Variants in NUBPL observed in about 807,000 individuals in gnomAD.
NUBPL encodes the protein NUBP iron-sulfur cluster assembly factor, mitochondrial.
Under a neutral mutation model 45.7 loss-of-function variants are expected in NUBPL, and 31 were observed. The ratio of observed to expected loss-of-function variants is 0.68; its 90% CI spans 0.51 to 0.92. The LOEUF (loss-of-function observed/expected upper bound fraction) is 0.92, where lower values mean the gene tolerates loss of function less well. Ranked by LOEUF, NUBPL falls within the 40% of genes least tolerant of loss-of-function variation. The pLI is 0.00. For missense variants in NUBPL, 401 were observed against 398.7 expected (o/e 1.01, Z -0.05); for synonymous variants, 144 against 140.9 (o/e 1.02, Z -0.15).
intron 7 of NUBPL, among the ~76,000 whole-genome samples, chr14:31,810,279 T>G (rs12886418): frequency 0.33 from 50,278 of 151,990 alleles, 9,614 homozygotes; most frequent in South Asian, 0.44. Context: ...TCTTGGGGCT[T>G]GCTTTATGAA....
chr14:31,597,726 G>A (rs112900637), intron 3 of NUBPL, among the ~76,000 whole-genome samples: 2 of 152,110 alleles, frequency 1.3e-5, no homozygotes, highest in African/African-American at 4.8e-5. Context: ...GTTTTTATTG[G>A]TATTTATTAT....
chr14:31,666,263 A>ATATATATATATATTTTTATT, intron 4 of NUBPL, among the ~76,000 whole-genome samples: 7 of 111,866 alleles, frequency 6.3e-5, no homozygotes, highest in Non-Finnish European at 1.9e-5. Flanking sequence ...ATATATATAT[A>ATATATATATATATTTTTATT]ATTTTATTTT....
intron 6 of NUBPL, among the ~76,000 whole-genome samples, chr14:31,694,639 C>T (rs1595504991): frequency 1.3e-5 from 2 of 152,180 alleles, no homozygotes; most frequent in South Asian, 4.1e-4. Context: ...CCTCAACCTC[C>T]TGAGTAGCTG....
chr14:31,799,167 C>T (rs1260241572), intron 7 of NUBPL, among the ~76,000 whole-genome samples: 1 of 152,054 alleles, frequency 6.6e-6, no homozygotes, highest in Non-Finnish European at 1.5e-5. Flanking sequence ...CCTGTCCATA[C>T]AGAAAGTGCA....
intron 2 of NUBPL, among the ~76,000 whole-genome samples, chr14:31,564,565 A>G (rs1448446602): frequency 6.6e-6 from 1 of 151,544 alleles, no homozygotes; most frequent in African/African-American, 2.4e-5. Flanking sequence ...TGTGGTCCCA[A>G]CTCCAGCCTG....
intron 6 of NUBPL, among the ~76,000 whole-genome samples, chr14:31,735,020 G>T (rs2038135292): frequency 2.0e-5 from 3 of 151,892 alleles, no homozygotes; most frequent in Admixed American, 2.0e-4. Flanking sequence ...TCCTGTATTG[G>T]GAGGGAAAGA....
chr14:31,711,648 G>T (rs2037573444), intron 6 of NUBPL, among the ~76,000 whole-genome samples: 1 of 152,054 alleles, frequency 6.6e-6, no homozygotes, highest in African/African-American at 2.4e-5. Context: ...TCCAGAGTTT[G>T]GTCCTTCAGA....
At chr14:31,756,818 T>A (rs2038676424) in intron 6 of NUBPL, among the ~76,000 whole-genome samples, 1 of 151,972 alleles carries the variant, frequency 6.6e-6, no homozygotes, top group African/African-American at 2.4e-5. Flanking sequence ...GCCCATTCAG[T>A]ATGATATTGG....
chr14:31,698,354 GTCT>G (rs2037258792), intron 6 of NUBPL, among the ~76,000 whole-genome samples: 1 of 150,708 alleles, frequency 6.6e-6, no homozygotes, highest in Non-Finnish European at 1.5e-5. Context: ...ATTCATTTTG[GTCT>G]TTTTTTTTTT....
At chr14:31,623,607 A>G (rs542510398) in intron 4 of NUBPL, among the ~76,000 whole-genome samples, 1 of 152,280 alleles carries the variant, frequency 6.6e-6, no homozygotes, top group East Asian at 1.9e-4. Context: ...GCTGCCATGT[A>G]GGACGTGCTT....
chr14:31,666,269 ATT>A (rs1566487262), intron 4 of NUBPL, among the ~76,000 whole-genome samples: 1 of 108,858 alleles, frequency 9.2e-6, no homozygotes, highest in Non-Finnish European at 1.8e-5. Flanking sequence ...ATATAATTTT[ATT>A]TTATTTTTTT....
At chr14:31,614,657 T>C (rs1282378462) in intron 4 of NUBPL, among the ~76,000 whole-genome samples, 1 of 152,194 alleles carries the variant, frequency 6.6e-6, no homozygotes, top group East Asian at 1.9e-4. Context: ...GGGTCAAAAG[T>C]GATACATTAA....
chr14:31,771,423 A>G (rs766274161), intron 6 of NUBPL, among the ~76,000 whole-genome samples: 7 of 152,204 alleles, frequency 4.6e-5, no homozygotes, highest in Admixed American at 1.3e-4. Context: ...TTTATTTTAT[A>G]TATCTATTTT....
chr14:31,681,385 G>A (rs1002093971), intron 6 of NUBPL, among the ~76,000 whole-genome samples: 2 of 151,440 alleles, frequency 1.3e-5, no homozygotes, highest in African/African-American at 4.8e-5. Flanking sequence ...GGATGTAGCA[G>A]TGTTCCCTCC....
chr14:31,717,079 T>A (rs1034421703), intron 6 of NUBPL, among the ~76,000 whole-genome samples: 4 of 152,198 alleles, frequency 2.6e-5, no homozygotes, highest in African/African-American at 9.7e-5. Context: ...TTATACCCTT[T>A]TGTGGCACCT....
chr14:31,805,014 G>A (rs1335251537), intron 7 of NUBPL, among the ~76,000 whole-genome samples: 1 of 151,860 alleles, frequency 6.6e-6, no homozygotes, highest in African/African-American at 2.4e-5. Context: ...CAGAATGGGA[G>A]AAAATATTCA....
rs2040703988 is a variant in NUBPL at position 31,860,947 on chromosome 14, T to A, written c.*1767T>A. On this transcript the variant is annotated 3_prime_UTR_variant, in exon 11 of 11. Coordinates refer to ENST00000281081, the MANE Select transcript of NUBPL (RefSeq NM_025152.3). ...TCTTGAAGTGACATAATTATAGAAA[T>A]GGAGAACAGATTAGTGGTGGCTGTG... 1 of 152,138 alleles carries A rather than the reference T, an allele frequency of 6.6e-6. No homozygotes were observed. Among genetic ancestry groups the A allele is most frequent in the African/African-American group, 2.4e-5 (1 of 41,404 alleles). 9.4% of individuals were successfully genotyped at this position (152,138 alleles called of 1,614,324 possible). A position where few individuals can be genotyped will look rare whatever the true frequency, so the allele number is the denominator to read the frequency against.
intron 6 of NUBPL, among the ~76,000 whole-genome samples, chr14:31,674,771 T>G (rs1441262617): frequency 6.6e-6 from 1 of 152,160 alleles, no homozygotes; most frequent in Non-Finnish European, 1.5e-5. Flanking sequence ...TTCAGGGAAT[T>G]TGGTAGTCTA....
intron 4 of NUBPL, among the ~76,000 whole-genome samples, chr14:31,670,055 A>G (rs763499877): frequency 6.6e-6 from 1 of 152,092 alleles, no homozygotes; most frequent in African/African-American, 2.4e-5. Context: ...AGGAATTGCC[A>G]TATGCTTTCC....
Sources: allele counts gnomAD v4.1 joint callset (sites outside exome capture counted in the v4.1 genomes callset), GRCh38; gene constraint gnomAD v4.1.1; transcripts MANE v1.5; gene names NCBI Gene and HGNC (gene_info 2026-07-23, HGNC 2026-07-21).